The following CHSY3 variants were observed in gnomAD, a reference collection of about 807,000 sequenced individuals.
CHSY3 encodes N-acetylgalactosaminyl-proteoglycan 3-beta-glucuronosyltransferase 3.
Under a neutral mutation model 67.2 loss-of-function variants are expected in CHSY3, and 35 were observed. The observed-to-expected ratio is 0.52, with a 90% CI of 0.40 to 0.69. The LOEUF (loss-of-function observed/expected upper bound fraction) is 0.69, where lower values mean the gene tolerates loss of function less well. Among genes scored for constraint, CHSY3 ranks in the 30% least tolerant of loss-of-function variants. CHSY3 has a pLI of 0.00. For synonymous variants in CHSY3, 474 were observed against 434.7 expected (o/e 1.09, Z -1.12); for missense variants, 1,069 against 1,138.5 (o/e 0.94, Z 0.88).
chr5:130,019,791 C>T (rs1378965252), intron 2 of CHSY3, among the ~76,000 whole-genome samples: 1 of 152,208 alleles, frequency 6.6e-6, no homozygotes, highest in Non-Finnish European at 1.5e-5. Flanking sequence ...TTGCATCTCT[C>T]ATGTCACTAA....
At chr5:130,005,295 G>C (rs2149642292) in intron 2 of CHSY3, among the ~76,000 whole-genome samples, 1 of 152,010 alleles carries the variant, frequency 6.6e-6, no homozygotes, top group Admixed American at 6.6e-5. Context: ...TGAGCCTGTA[G>C]TCCCAGCTAC....
intron 2 of CHSY3, among the ~76,000 whole-genome samples, chr5:129,964,201 T>C (rs1273261708): frequency 6.6e-6 from 1 of 151,874 alleles, no homozygotes; most frequent in East Asian, 1.9e-4. Context: ...ACTTTCTGGC[T>C]GTGTGATCCT....
At chr5:130,006,511 G>C (rs1763880850) in intron 2 of CHSY3, among the ~76,000 whole-genome samples, 1 of 152,124 alleles carries the variant, frequency 6.6e-6, no homozygotes, top group African/African-American at 2.4e-5. Context: ...TAAAATAAGA[G>C]TTTATGCTAC....
At chr5:130,118,260 G>A (rs1480144899) in intron 2 of CHSY3, among the ~76,000 whole-genome samples, 2 of 152,152 alleles carry the variant, frequency 1.3e-5, no homozygotes, top group Non-Finnish European at 2.9e-5. Flanking sequence ...AAGAGAATTA[G>A]TAACTAATAT....
intron 2 of CHSY3, among the ~76,000 whole-genome samples, chr5:129,972,362 C>G (rs1445523181): frequency 6.6e-6 from 1 of 151,974 alleles, no homozygotes; most frequent in African/African-American, 2.4e-5. Flanking sequence ...GTTTCCCTTC[C>G]TGCTTTCTAT....
chr5:130,061,347 T>C (rs1020419404), intron 2 of CHSY3, among the ~76,000 whole-genome samples: 2 of 151,946 alleles, frequency 1.3e-5, no homozygotes, highest in Non-Finnish European at 2.9e-5. Flanking sequence ...GCTAGAAAAA[T>C]AGGCCAGCAA....
chr5:130,060,542 A>G (rs1765678429), intron 2 of CHSY3, among the ~76,000 whole-genome samples: 1 of 152,168 alleles, frequency 6.6e-6, no homozygotes, highest in African/African-American at 2.4e-5. Context: ...CATTCAACAT[A>G]GGACTGGAAG....
chr5:130,178,213 GTATATATTTATATTTA>G (rs1561571767), intron 2 of CHSY3, among the ~76,000 whole-genome samples: 3 of 79,496 alleles, frequency 3.8e-5, no homozygotes, highest in African/African-American at 1.5e-4. Flanking sequence ...ATATATATAT[GTATATATTTATATTTA>G]TATATATATA....
chr5:129,907,943 AG>A (rs1161247024), intron 1 of CHSY3, 133 bp from the exon 2 acceptor site: 96 of 1,420,146 alleles, frequency 6.8e-5, no homozygotes, highest in Non-Finnish European at 7.9e-5. Context: ...GTATTGGAAG[AG>A]GCTTTTTCTT....
At chr5:129,953,718 C>T (rs1762091124) in intron 2 of CHSY3, among the ~76,000 whole-genome samples, 1 of 152,144 alleles carries the variant, frequency 6.6e-6, no homozygotes, top group Admixed American at 6.5e-5. Flanking sequence ...ATTTGCATTT[C>T]TCTAATGACC....
intron 2 of CHSY3, among the ~76,000 whole-genome samples, chr5:130,081,018 C>T (rs538703689): frequency 6.6e-6 from 1 of 151,930 alleles, no homozygotes; most frequent in African/African-American, 2.4e-5. Context: ...TTAGGGAGGT[C>T]GTAATTTTTT....
chr5:130,019,051 A>G (rs149362230), intron 2 of CHSY3, among the ~76,000 whole-genome samples: 24 of 152,272 alleles, frequency 1.6e-4, no homozygotes, highest in African/African-American at 5.3e-4. Flanking sequence ...TACAGCCTGC[A>G]GAACCATGGG....
chr5:130,153,999 C>T (rs1227936232), intron 2 of CHSY3, among the ~76,000 whole-genome samples: 1 of 152,078 alleles, frequency 6.6e-6, no homozygotes, highest in Non-Finnish European at 1.5e-5. Context: ...TCACTGCAAC[C>T]TCCACCTCTC....
intron 2 of CHSY3, among the ~76,000 whole-genome samples, chr5:130,088,436 G>A (rs1433297365): frequency 6.6e-5 from 10 of 151,514 alleles, no homozygotes; most frequent in Admixed American, 4.6e-4. Flanking sequence ...GAGTGAACAG[G>A]CAGCTTACAA....
chr5:130,119,312 A>C (rs771999218), intron 2 of CHSY3, among the ~76,000 whole-genome samples: 4 of 152,174 alleles, frequency 2.6e-5, no homozygotes, highest in Non-Finnish European at 5.9e-5. Flanking sequence ...CTTTCTGTGC[A>C]GTTCAGCATT....
chr5:130,087,371 A>C (rs917758444), intron 2 of CHSY3, among the ~76,000 whole-genome samples: 21 of 152,182 alleles, frequency 1.4e-4, no homozygotes, highest in Non-Finnish European at 2.6e-4. Flanking sequence ...TGGCCAGGGC[A>C]ATTAGGCAGG....
At chr5:130,098,883 C>A (rs187150086) in intron 2 of CHSY3, among the ~76,000 whole-genome samples, 1 of 152,140 alleles carries the variant, frequency 6.6e-6, no homozygotes, top group African/African-American at 2.4e-5. Context: ...ATGACAGTTG[C>A]CTTTAATTAT....
intron 2 of CHSY3, among the ~76,000 whole-genome samples, chr5:130,020,441 ATATATATATATATATATATATTTTTTT>A (rs1263374412): frequency 4.5e-4 from 6 of 13,198 alleles, no homozygotes; most frequent in African/African-American, 1.5e-3. Context: ...ATATATATAT[ATATATATATATATATATATATTTTTTT>A]TTTTTTTTTT....
At chr5:130,123,089 G>C (rs1482887649) in intron 2 of CHSY3, among the ~76,000 whole-genome samples, 1 of 148,178 alleles carries the variant, frequency 6.7e-6, no homozygotes, top group Admixed American at 6.7e-5. Flanking sequence ...AAAAAAAAAC[G>C]CAAGTTAAAT....
Sources: gnomAD v4.1 joint callset for allele counts (sites outside exome capture counted in the v4.1 genomes callset) on GRCh38, gnomAD v4.1.1 for gene constraint, MANE v1.5 for transcripts, NCBI Gene and HGNC (gene_info 2026-07-23, HGNC 2026-07-21) for gene names.